KIAA1217: variants seen among roughly 807,000 people sequenced by gnomAD.
KIAA1217 encodes the protein sickle tail protein homolog.
In KIAA1217, 88 loss-of-function variants were observed where a neutral mutation model predicts 163.9. The ratio of observed to expected loss-of-function variants is 0.54; its 90% CI spans 0.45 to 0.64. KIAA1217 has a LOEUF of 0.64. Among genes scored for constraint, KIAA1217 ranks in the 30% least tolerant of loss-of-function variants. The pLI, the probability that KIAA1217 is intolerant of heterozygous loss-of-function variation, is 0.00. For missense variants in KIAA1217, 2,372 were observed against 2,475.0 expected (o/e 0.96, Z 0.88); for synonymous variants, 903 against 923.1 (o/e 0.98, Z 0.39).
chr10:24,302,174 T>G (rs1014588448), intron 2 of KIAA1217, among the ~76,000 whole-genome samples: 9 of 152,122 alleles, frequency 5.9e-5, no homozygotes, highest in African/African-American at 2.2e-4. Flanking sequence ...GCATACAGTT[T>G]ATATAGCATT....
At chr10:23,896,043 A>G (rs1841679853) in intron 1 of KIAA1217, among the ~76,000 whole-genome samples, 1 of 150,832 alleles carries the variant, frequency 6.6e-6, no homozygotes, top group Admixed American at 6.6e-5. Flanking sequence ...CCTAATGCTA[A>G]ATGACGAGTT....
chr10:24,531,644 A>T (rs2073141841), intron 14 of KIAA1217, among the ~76,000 whole-genome samples, 186 bp from the exon 15 acceptor site: 1 of 152,158 alleles, frequency 6.6e-6, no homozygotes, highest in African/African-American at 2.4e-5. Context: ...AGGTTTAGTA[A>T]CTTGTGCAGG....
intron 16 of KIAA1217, 31 bp downstream of exon 16, chr10:24,533,268 C>T: frequency 6.3e-7 from 1 of 1,577,268 alleles, no homozygotes; most frequent in Non-Finnish European, 8.6e-7. Flanking sequence ...ACATTGGCTC[C>T]TTGCCTCCCG....
chr10:24,085,411 G>A (rs2061665457), intron 2 of KIAA1217, among the ~76,000 whole-genome samples: 1 of 152,136 alleles, frequency 6.6e-6, no homozygotes, highest in Admixed American at 6.5e-5. Context: ...ACTGAGAATT[G>A]TTCAGGAGAT....
At chr10:23,745,089 G>T (rs1046117123) in intron 1 of KIAA1217, among the ~76,000 whole-genome samples, 2 of 152,152 alleles carry the variant, frequency 1.3e-5, no homozygotes, top group African/African-American at 4.8e-5. Flanking sequence ...CATATAAAAA[G>T]TTAACCATCA....
intron 1 of KIAA1217, among the ~76,000 whole-genome samples, chr10:23,902,715 G>T (rs988966489): frequency 1.3e-5 from 2 of 152,090 alleles, no homozygotes; most frequent in Admixed American, 6.6e-5. Context: ...CATGTGATGG[G>T]GTGTTGATGT....
chr10:24,268,463 C>T (rs1354277431), intron 2 of KIAA1217, among the ~76,000 whole-genome samples: 1 of 151,524 alleles, frequency 6.6e-6, no homozygotes, highest in African/African-American at 2.4e-5. Context: ...AAAAAATGCT[C>T]ATCATCACTG....
rs117391462 is a variant in KIAA1217 at position 24,238,845 on chromosome 10, C to T, written c.354+18936C>T. 4.1e-3 allele frequency among the ~76,000 whole-genome samples: 631 copies of T among 152,320 alleles called. 3 individuals are homozygous for T. Among genetic ancestry groups the T allele is most frequent in the Non-Finnish European group, 6.0e-3 (407 of 68,032 alleles). ...TGTTAGACAGGGAGGGGCAGATTAA[C>T]GAACGCCTATAATTTTGATCATTGT... On this transcript the variant is annotated intron_variant, in intron 2 of 20. Coordinates refer to ENST00000376454, the MANE Select transcript of KIAA1217 (RefSeq NM_019590.5).
At chr10:24,434,014 T>C (rs1331031190) in intron 4 of KIAA1217, among the ~76,000 whole-genome samples, 1 of 123,120 alleles carries the variant, frequency 8.1e-6, no homozygotes, top group African/African-American at 3.2e-5. Flanking sequence ...TCTCCCTCTC[T>C]CTCTCTCTCT....
At position 23,734,444 on chromosome 10, in the gene KIAA1217, G is replaced by A. The variant is rs147344089; in HGVS notation, c.-321+39210G>A. 1.2e-3 allele frequency among the ~76,000 whole-genome samples: 182 copies of A among 151,636 alleles called. 12 individuals are homozygous for A. The East Asian group carries it at 0.028, about 23-fold the overall frequency. ...TGGTATTACAGGTGCATGCCACAAC[G>A]CCTGGCTAATTTTTTTGTATTTTTA... On this transcript the variant is annotated intron_variant, in intron 1 of 18. Coordinates refer to the KIAA1217 transcript ENST00000376462.
At chr10:23,986,722 G>T (rs541946395) in intron 1 of KIAA1217, among the ~76,000 whole-genome samples, 1 of 152,258 alleles carries the variant, frequency 6.6e-6, no homozygotes, top group African/African-American at 2.4e-5. Context: ...AAAATTATGA[G>T]GACTGAGAAT....
At chr10:23,824,658 A>ATAAAAAATAT (rs1379535101) in intron 1 of KIAA1217, among the ~76,000 whole-genome samples, 1 of 53,038 alleles carries the variant, frequency 1.9e-5, no homozygotes, top group Admixed American at 3.0e-4. Flanking sequence ...AAATAAAAAA[A>ATAAAAAATAT]ATATATATAT....
intron 1 of KIAA1217, among the ~76,000 whole-genome samples, chr10:23,837,630 C>T (rs1382586371): frequency 1.3e-5 from 2 of 152,094 alleles, no homozygotes; most frequent in Non-Finnish European, 2.9e-5. Flanking sequence ...ACTTCCTGGG[C>T]TGAATCAGTC....
intron 1 of KIAA1217, among the ~76,000 whole-genome samples, chr10:23,863,929 T>G (rs200587169): frequency 6.6e-6 from 1 of 152,166 alleles, no homozygotes; most frequent in African/African-American, 2.4e-5. Context: ...CAGTAGTCCT[T>G]TAGTGATCTC....
At chr10:24,285,090 C>T (rs2078408711) in intron 2 of KIAA1217, among the ~76,000 whole-genome samples, 1 of 151,780 alleles carries the variant, frequency 6.6e-6, no homozygotes, top group South Asian at 2.1e-4. Context: ...TGGTTTTATT[C>T]TTGTTGAATT....
intron 2 of KIAA1217, among the ~76,000 whole-genome samples, chr10:24,273,487 G>A (rs1458993967): frequency 6.6e-6 from 1 of 152,110 alleles, no homozygotes; most frequent in African/African-American, 2.4e-5. Context: ...CCAGTCCAGT[G>A]AGGGTGTCAC....
chr10:24,316,558 A>G (rs1363746496), intron 2 of KIAA1217, among the ~76,000 whole-genome samples: 1 of 152,132 alleles, frequency 6.6e-6, no homozygotes, highest in Non-Finnish European at 1.5e-5. Flanking sequence ...AGTGGACTCG[A>G]TCAACTCCTG....
At chr10:24,385,847 A>G (rs958052395) in intron 3 of KIAA1217, among the ~76,000 whole-genome samples, 2 of 152,212 alleles carry the variant, frequency 1.3e-5, no homozygotes, top group African/African-American at 2.4e-5. Context: ...ATTTCCATGA[A>G]AAATGGTCGG....
At chr10:23,976,952 T>A (rs1845567761) in intron 1 of KIAA1217, among the ~76,000 whole-genome samples, 1 of 152,194 alleles carries the variant, frequency 6.6e-6, no homozygotes. Context: ...AGAGAGCTAA[T>A]AAAACCCCAT....
Sources: allele counts gnomAD v4.1 joint callset (sites outside exome capture counted in the v4.1 genomes callset), GRCh38; gene constraint gnomAD v4.1.1; transcripts MANE v1.5; gene names NCBI Gene and HGNC (gene_info 2026-07-23, HGNC 2026-07-21).